Variants in BLOC1S5 observed in about 807,000 individuals in gnomAD.
BLOC1S5 encodes biogenesis of lysosome-related organelles complex 1 subunit 5.
In BLOC1S5, 27 loss-of-function variants were observed where a neutral mutation model predicts 24.3. That is an observed-to-expected ratio of 1.11 (90% CI 0.82 to 1.53). The LOEUF (loss-of-function observed/expected upper bound fraction) is 1.53, where lower values mean the gene tolerates loss of function less well. BLOC1S5 is among the 40% of genes most tolerant of loss of function. The pLI is 0.00. For synonymous variants in BLOC1S5, 84 were observed against 74.5 expected, an observed-to-expected ratio of 1.13 and a Z score of -0.66; for missense variants, 239 against 229.4, an observed-to-expected ratio of 1.04 and a Z score of -0.27.
chr6:8,032,257 C>T (rs1763323501), intron 3 of BLOC1S5, among the ~76,000 whole-genome samples: 2 of 152,006 alleles, frequency 1.3e-5, no homozygotes, highest in African/African-American at 4.8e-5. Context: ...AGAATTCAAA[C>T]AAATCAGCAA....
chr6:8,044,283 C>CAAAA lies in BLOC1S5; in HGVS notation c.196-3019_196-3016dup, dbSNP rs1175141654. On this transcript the variant is annotated intron_variant, in intron 2 of 4. Transcript: ENST00000397457. The stretch of plus-strand genomic sequence containing the variant: ...TGGGCGACAGAGCAAGACTCTGTCT[C>CAAAA]AAAAAAAAAAAAAAAAAAAAAGAAG... Among the ~76,000 whole-genome samples the CAAAA allele has an allele frequency of 1.0e-3, 92 of 88,772 alleles. 1 individual carries two copies. Among genetic ancestry groups the CAAAA allele is most frequent in the African/African-American group, 2.2e-3 (53 of 24,052 alleles). The allele number at this position is 88,772 out of a possible 152,430, so 58.2% of individuals were successfully genotyped here.
intron 4 of BLOC1S5, among the ~76,000 whole-genome samples, chr6:8,024,514 CAAAAAAAAAAA>C (rs60853006): frequency 1.5e-5 from 1 of 65,788 alleles, no homozygotes; most frequent in African/African-American, 5.6e-5. Flanking sequence ...GACTCCATCT[CAAAAAAAAAAA>C]AAAAAAAAAA....
chr6:8,040,878 A>C (rs1763654929), intron 3 of BLOC1S5, among the ~76,000 whole-genome samples: 1 of 152,108 alleles, frequency 6.6e-6, no homozygotes, highest in South Asian at 2.1e-4. Flanking sequence ...AAAATTTGTA[A>C]AAATAGGTGA....
chr6:8,040,466 A>G (rs948802157), intron 3 of BLOC1S5, among the ~76,000 whole-genome samples: 5 of 152,250 alleles, frequency 3.3e-5, no homozygotes, highest in African/African-American at 1.2e-4. Context: ...TTTAAAAGTA[A>G]AAAAACTTCA....
intron 2 of BLOC1S5, among the ~76,000 whole-genome samples, chr6:8,051,056 T>A (rs1764090219): frequency 1.3e-5 from 2 of 151,860 alleles, no homozygotes; most frequent in African/African-American, 4.8e-5. Context: ...AGCAGGGTGG[T>A]GCACACCTGT....
intron 2 of BLOC1S5, among the ~76,000 whole-genome samples, chr6:8,060,596 T>C (rs1222320921): frequency 6.6e-6 from 1 of 152,136 alleles, no homozygotes; most frequent in Non-Finnish European, 1.5e-5. Context: ...TGGGTTGGGA[T>C]AGGGGTAGTG....
chr6:8,017,427 ACT>A (rs1037848511), intron 4 of BLOC1S5, among the ~76,000 whole-genome samples: 1 of 151,920 alleles, frequency 6.6e-6, no homozygotes, highest in African/African-American at 2.4e-5. Context: ...ACCCGAAGTC[ACT>A]GTTAATTTTG....
At chr6:8,050,625 C>CAA (rs998291580) in intron 2 of BLOC1S5, among the ~76,000 whole-genome samples, 6 of 145,312 alleles carry the variant, frequency 4.1e-5, no homozygotes, top group African/African-American at 1.5e-4. Flanking sequence ...TTTATTGAGA[C>CAA]AGAGTCTCAC....
chr6:8,061,679 A>G (rs1389013782), intron 2 of BLOC1S5, among the ~76,000 whole-genome samples: 1 of 152,254 alleles, frequency 6.6e-6, no homozygotes, highest in Non-Finnish European at 1.5e-5. Flanking sequence ...ACTGGTCAGT[A>G]TCATTTGCAA....
chr6:8,042,591 C>G (rs1426808939), intron 2 of BLOC1S5, among the ~76,000 whole-genome samples: 1 of 152,214 alleles, frequency 6.6e-6, no homozygotes, highest in African/African-American at 2.4e-5. Flanking sequence ...CAGCCCAACA[C>G]AAATTATAAA....
intron 4 of BLOC1S5, among the ~76,000 whole-genome samples, chr6:8,024,907 A>C (rs549755537): frequency 6.6e-6 from 1 of 152,372 alleles, no homozygotes; most frequent in Non-Finnish European, 1.5e-5. Flanking sequence ...GCTTATAGCT[A>C]GCTAGTACAG....
chr6:8,013,846 A>G lies in BLOC1S5; in HGVS notation c.*1803T>C, dbSNP rs147768134. 7.1e-4 allele frequency: 108 copies of G among 152,340 alleles called. 1 individual carries two copies. Among genetic ancestry groups the G allele is most frequent in the African/African-American group, 2.3e-3 (97 of 41,582 alleles). The allele number at this position is 152,340 out of a possible 1,614,324, so 9.4% of individuals were successfully genotyped here. A position where few individuals can be genotyped will look rare whatever the true frequency, so the allele number is the denominator to read the frequency against. ...CATCCACTGAATTAAGAAAATTCCA[A>G]CATGCCTTGGTGTCAGCAAGTGCGC... is the stretch of plus-strand genomic sequence containing the variant. On this transcript the variant is annotated 3_prime_UTR_variant, in exon 5 of 5. Transcript: ENST00000397457.
chr6:8,044,086 A>C (rs1436297867), intron 2 of BLOC1S5, among the ~76,000 whole-genome samples: 1 of 152,072 alleles, frequency 6.6e-6, no homozygotes, highest in East Asian at 1.9e-4. Flanking sequence ...GTTTGAGACA[A>C]GCCTGGCCAA....
chr6:8,026,311 AAT>A, intron 4 of BLOC1S5, 54 bp downstream of exon 4: 1 of 1,385,766 alleles, frequency 7.2e-7, no homozygotes, highest in Admixed American at 1.8e-5. Context: ...AATTGCTAAT[AAT>A]ATGATAATAA....
intron 2 of BLOC1S5, 63 bp from the exon 3 acceptor site, chr6:8,041,331 G>C: frequency 7.9e-6 from 2 of 254,732 alleles, no homozygotes; most frequent in Non-Finnish European, 1.2e-5. Flanking sequence ...TTTTTTTTTT[G>C]AAATGGAGTC....
chr6:8,039,632 A>T lies in BLOC1S5; in HGVS notation c.325+1507T>A, dbSNP rs1239804154. ...CTAAGTCAATGTAGTATTAGCTTTA[A>T]AAAAAAAAAGAAAATAATTTCAGCT... On this transcript the variant is annotated intron_variant, in intron 3 of 4. Coordinates refer to ENST00000397457, the MANE Select transcript of BLOC1S5 (RefSeq NM_201280.3). 6.7e-5 allele frequency among the ~76,000 whole-genome samples: 3 copies of T among 45,106 alleles called. No homozygotes were observed. The East Asian group carries it at 0.014, about 211-fold the overall frequency. 29.6% of individuals were successfully genotyped at this position (45,106 alleles called of 152,430 possible).
At chr6:8,059,789 G>T (rs1764452197) in intron 2 of BLOC1S5, among the ~76,000 whole-genome samples, 1 of 152,220 alleles carries the variant, frequency 6.6e-6, no homozygotes, top group African/African-American at 2.4e-5. Context: ...GTTGGTCACT[G>T]TGTGAAAAGA....
At chr6:8,030,809 T>G (rs1581405050) in intron 3 of BLOC1S5, among the ~76,000 whole-genome samples, 1 of 139,228 alleles carries the variant, frequency 7.2e-6, no homozygotes, top group Admixed American at 7.9e-5. Flanking sequence ...AAGACAGAGG[T>G]TGCAGTGAGC....
At chr6:8,032,316 T>G (rs759686193) in intron 3 of BLOC1S5, among the ~76,000 whole-genome samples, 5 of 152,006 alleles carry the variant, frequency 3.3e-5, no homozygotes, top group Admixed American at 6.6e-5. Flanking sequence ...AATAGACAAT[T>G]CTCAAAAGAA....
Sources: gnomAD v4.1 joint callset for allele counts (sites outside exome capture counted in the v4.1 genomes callset) on GRCh38, gnomAD v4.1.1 for gene constraint, MANE v1.5 for transcripts, NCBI Gene and HGNC (gene_info 2026-07-23, HGNC 2026-07-21) for gene names.